NPAS3: variants seen among roughly 807,000 people sequenced by gnomAD.
NPAS3 encodes the protein neuronal PAS domain protein 3.
Under a neutral mutation model 73.1 loss-of-function variants are expected in NPAS3, and 14 were observed. That is an observed-to-expected ratio of 0.19 (90% CI 0.13 to 0.30). The LOEUF (loss-of-function observed/expected upper bound fraction) is 0.30. Ranked by LOEUF, NPAS3 falls within the 10% of genes least tolerant of loss-of-function variation. The pLI is 1.00. For missense variants in NPAS3, 1,096 were observed against 1,250.0 expected, an observed-to-expected ratio of 0.88 and a Z score of 1.86; for synonymous variants, 620 against 541.5, an observed-to-expected ratio of 1.14 and a Z score of -2.01.
chr14:33,367,038 T>C, intron 3 of NPAS3, 148 bp from the exon 4 acceptor site: 1 of 440,264 alleles, frequency 2.3e-6, no homozygotes, highest in Non-Finnish European at 4.1e-6. Context: ...CTTAGACAAC[T>C]CAGAACTAAA....
At chr14:33,018,937 A>T (rs112933189) in intron 1 of NPAS3, among the ~76,000 whole-genome samples, 2 of 76,982 alleles carry the variant, frequency 2.6e-5, no homozygotes, top group Non-Finnish European at 5.3e-5. Context: ...GCAAATTTAT[A>T]AAAAAAAAAA....
intron 6 of NPAS3, among the ~76,000 whole-genome samples, chr14:33,689,849 C>A (rs1265011597): frequency 6.6e-6 from 1 of 152,196 alleles, no homozygotes; most frequent in Non-Finnish European, 1.5e-5. Flanking sequence ...CACCAAGATA[C>A]ACCTGCTGAC....
chr14:33,070,964 G>C (rs2041464728), intron 2 of NPAS3, among the ~76,000 whole-genome samples: 3 of 152,178 alleles, frequency 2.0e-5, no homozygotes. Context: ...GGAACTTAGA[G>C]ATGTGTGGCA....
At chr14:33,413,191 C>T (rs1286961462) in intron 4 of NPAS3, among the ~76,000 whole-genome samples, 2 of 151,888 alleles carry the variant, frequency 1.3e-5, no homozygotes, top group Admixed American at 6.6e-5. Context: ...TTCCCTCTCT[C>T]ATATGTGAGG....
chr14:33,396,150 A>G (rs1275959237), intron 4 of NPAS3, among the ~76,000 whole-genome samples: 1 of 152,150 alleles, frequency 6.6e-6, no homozygotes, highest in Non-Finnish European at 1.5e-5. Flanking sequence ...GCTGACAGAT[A>G]ACTTTTAACC....
chr14:33,328,805 C>T (rs1006386450), intron 3 of NPAS3, among the ~76,000 whole-genome samples: 7 of 152,018 alleles, frequency 4.6e-5, no homozygotes, highest in African/African-American at 1.7e-4. Context: ...AATACTTACT[C>T]CTTTAACTTC....
intron 7 of NPAS3, among the ~76,000 whole-genome samples, chr14:33,745,490 C>T (rs1014563079): frequency 1.3e-5 from 2 of 152,064 alleles, no homozygotes; most frequent in African/African-American, 2.4e-5. Flanking sequence ...CCAATACAAC[C>T]GTCTTCATAA....
At position 33,779,858 on chromosome 14, in the gene NPAS3, G is replaced by A. The variant is rs1171671439; in HGVS notation, c.1153+1286G>A. On this transcript the variant is annotated intron_variant, in intron 9 of 11. Transcript: ENST00000356141. ...GCTGTACATGCAAGGTGCCACAAATGAGATGGTACAGCCTAAAGTTGAAGC... is the reference window on the plus strand; with the variant it reads ...GCTGTACATGCAAGGTGCCACAAATAAGATGGTACAGCCTAAAGTTGAAGC... 3.9e-5 allele frequency among the ~76,000 whole-genome samples: 6 copies of A among 152,332 alleles called. No individual in the cohort carries two copies. In the South Asian group the frequency reaches 1.0e-3, roughly 26 times the overall value.
chr14:33,623,501 G>A (rs772693007), intron 5 of NPAS3, among the ~76,000 whole-genome samples: 20 of 152,296 alleles, frequency 1.3e-4, no homozygotes, highest in Admixed American at 3.3e-4. Flanking sequence ...AGTTCAGGTC[G>A]TATCATCTGT....
intron 4 of NPAS3, among the ~76,000 whole-genome samples, chr14:33,481,007 G>A (rs375809000): frequency 4.6e-5 from 7 of 152,126 alleles, no homozygotes; most frequent in East Asian, 1.9e-4. Context: ...ATGCGTCCCC[G>A]TTTATCAAGA....
At chr14:33,559,841 A>G (rs1401406988) in intron 4 of NPAS3, among the ~76,000 whole-genome samples, 1 of 152,064 alleles carries the variant, frequency 6.6e-6, no homozygotes, top group Non-Finnish European at 1.5e-5. Flanking sequence ...CAACATGCTG[A>G]AACCCTGTCT....
intron 5 of NPAS3, among the ~76,000 whole-genome samples, chr14:33,646,593 G>A (rs1336392544): frequency 6.6e-6 from 1 of 152,116 alleles, no homozygotes; most frequent in Non-Finnish European, 1.5e-5. Context: ...GCTTGGGCCT[G>A]GATAAAACAT....
chr14:33,286,351 A>G (rs1354943264), intron 3 of NPAS3, among the ~76,000 whole-genome samples: 1 of 152,214 alleles, frequency 6.6e-6, no homozygotes, highest in Admixed American at 6.5e-5. Flanking sequence ...TATGTGAACA[A>G]TGCTTTTATT....
intron 3 of NPAS3, among the ~76,000 whole-genome samples, chr14:33,225,420 G>A (rs566368858): frequency 6.6e-6 from 1 of 152,278 alleles, no homozygotes; most frequent in South Asian, 2.1e-4. Context: ...AGGTTAGAAA[G>A]CCAAGACAAA....
chr14:33,734,047 CTTG>C (rs1235090510), intron 6 of NPAS3, among the ~76,000 whole-genome samples: 1 of 152,136 alleles, frequency 6.6e-6, no homozygotes, highest in Non-Finnish European at 1.5e-5. Flanking sequence ...AAATTTAAAA[CTTG>C]TTTTGCCCAT....
intron 3 of NPAS3, among the ~76,000 whole-genome samples, chr14:33,301,790 T>G (rs2042560632): frequency 1.3e-5 from 2 of 152,350 alleles, no homozygotes; most frequent in South Asian, 4.1e-4. Context: ...GAGAATTATT[T>G]TTCTTACGTT....
intron 7 of NPAS3, among the ~76,000 whole-genome samples, chr14:33,768,052 G>A (rs537688732): frequency 6.6e-6 from 1 of 152,316 alleles, no homozygotes; most frequent in Non-Finnish European, 1.5e-5. Context: ...CCTTGCAGCA[G>A]AGAAGAAAAA....
intron 3 of NPAS3, among the ~76,000 whole-genome samples, chr14:33,347,349 A>T (rs1345915483): frequency 1.3e-5 from 2 of 152,246 alleles, no homozygotes; most frequent in South Asian, 4.1e-4. Flanking sequence ...GTAAATATCT[A>T]TTGGCACTGT....
At chr14:33,304,814 G>C (rs2042694361) in intron 3 of NPAS3, among the ~76,000 whole-genome samples, 1 of 151,890 alleles carries the variant, frequency 6.6e-6, no homozygotes, top group African/African-American at 2.4e-5. Context: ...GGAAATATTT[G>C]TTCTAACAAA....
Sources: allele counts gnomAD v4.1 joint callset (sites outside exome capture counted in the v4.1 genomes callset), GRCh38; gene constraint gnomAD v4.1.1; transcripts MANE v1.5; gene names NCBI Gene and HGNC (gene_info 2026-07-23, HGNC 2026-07-21).